HHIP: variants seen among roughly 807,000 people sequenced by gnomAD.
The protein encoded by HHIP is hedgehog-interacting protein.
In HHIP, 12 loss-of-function variants were observed where a neutral mutation model predicts 74.0. The observed-to-expected ratio is 0.16, with a 90% CI of 0.10 to 0.26. HHIP has a LOEUF of 0.26. Among genes scored for constraint, HHIP ranks in the 10% least tolerant of loss-of-function variants. HHIP has a pLI of 1.00. For missense variants in HHIP, 788 were observed against 845.0 expected, an observed-to-expected ratio of 0.93 and a Z score of 0.84; for synonymous variants, 309 against 311.6, an observed-to-expected ratio of 0.99 and a Z score of 0.09.
intron 4 of HHIP, among the ~76,000 whole-genome samples, chr4:144,702,284 G>A (rs535028358): frequency 6.6e-6 from 1 of 152,280 alleles, no homozygotes; most frequent in East Asian, 1.9e-4. Flanking sequence ...TGTTCACCAG[G>A]GAAGAATTTA....
chr4:144,678,391 C>CT (rs927017988), intron 4 of HHIP, among the ~76,000 whole-genome samples: 4 of 152,136 alleles, frequency 2.6e-5, no homozygotes, highest in South Asian at 2.1e-4. Context: ...AGAAGTATGA[C>CT]TTTTTTTATT....
chr4:144,711,003 G>T (rs1578716151), intron 7 of HHIP, among the ~76,000 whole-genome samples: 1 of 151,898 alleles, frequency 6.6e-6, no homozygotes, highest in East Asian at 1.9e-4. Flanking sequence ...TTATATTCCT[G>T]GCTTTGAACC....
chr4:144,655,015 G>A (rs1177830650), intron 2 of HHIP: 25 of 152,092 alleles, frequency 1.6e-4, no homozygotes. Context: ...GTTCCCTATT[G>A]CCCAATGCAT....
intron 4 of HHIP, among the ~76,000 whole-genome samples, chr4:144,705,605 T>A (rs1412319060): frequency 1.3e-5 from 2 of 152,184 alleles, no homozygotes; most frequent in Non-Finnish European, 2.9e-5. Flanking sequence ...TTATAGAAAT[T>A]CCTAGACTAT....
At chr4:144,690,413 C>T (rs1249485558) in intron 4 of HHIP, among the ~76,000 whole-genome samples, 1 of 152,166 alleles carries the variant, frequency 6.6e-6, no homozygotes, top group Non-Finnish European at 1.5e-5. Context: ...AAGAAAAAGA[C>T]ATGCTTGCTA....
Position 144,669,924 on chromosome 4 carries a change from G to A in HHIP, c.831+10086G>A, listed in dbSNP as rs189600511. ...CACTTTGGGAAGCCAAGCGGATCAC[G>A]AGGTCAAGAGATCCAGACTATCCTG... On this transcript the variant is annotated intron_variant, in intron 4 of 12. Transcript: ENST00000296575. Among the ~76,000 whole-genome samples, 699 of 149,056 alleles carry A rather than the reference G, an allele frequency of 4.7e-3. 8 individuals carry two copies. Among genetic ancestry groups the A allele is most frequent in the Non-Finnish European group, 4.0e-3 (273 of 67,418 alleles).
At position 144,718,929 on chromosome 4, in the gene HHIP, A is replaced by G; in HGVS notation, c.1733A>G (p.Lys578Arg). The G allele has an allele frequency of 6.2e-7, 1 of 1,607,330 alleles. No homozygotes were observed. Among genetic ancestry groups the G allele is most frequent in the African/African-American group, 1.3e-5 (1 of 74,852 alleles). The change falls in exon 11 of 13, where the codon AAA becomes AGA. Residue 578 changes from lysine to arginine, a missense_variant. Lys to Arg is a conservative substitution (Grantham distance 26). Coordinates refer to ENST00000296575, the MANE Select transcript of HHIP (RefSeq NM_022475.3). ...AGTATGACCCAGACTCACAATGGAA[A>G]ACTCTACAAAATTGTAGATCCCAAA... ...SKSMTQTHNGKLYKIVDPKRP... is the reference protein window; with the variant it reads ...SKSMTQTHNGRLYKIVDPKRP...
intron 4 of HHIP, among the ~76,000 whole-genome samples, chr4:144,667,823 T>C (rs930723069): frequency 6.6e-6 from 1 of 152,120 alleles, no homozygotes; most frequent in Non-Finnish European, 1.5e-5. Context: ...TAATAAATTG[T>C]AGGATTTGCA....
intron 4 of HHIP, among the ~76,000 whole-genome samples, chr4:144,694,160 A>T (rs934013501): frequency 6.6e-6 from 1 of 151,994 alleles, no homozygotes; most frequent in East Asian, 1.9e-4. Flanking sequence ...TAATTGACAT[A>T]TAAATCATGA....
In HHIP at chr4:144,744,938, GTA is replaced by G. The variant is rs1179324068; in HGVS notation, c.*6989_*6990del. On this transcript the variant is annotated 3_prime_UTR_variant, in exon 13 of 13. Coordinates refer to ENST00000296575, the MANE Select transcript of HHIP (RefSeq NM_022475.3). ...TATCTGTACGTGTGCACACACCCAT[GTA>G]TATATATTTATCTATCTGTACAAAC... The G allele has an allele frequency of 6.6e-6, 1 of 152,100 alleles. No individual in the cohort carries two copies. The highest frequency in any genetic ancestry group is 6.5e-5 in the Admixed American group (1 of 15,274). 9.4% of individuals were successfully genotyped at this position (152,100 alleles called of 1,614,324 possible).
intron 12 of HHIP, among the ~76,000 whole-genome samples, chr4:144,736,843 T>C (rs1349804401): frequency 6.6e-6 from 1 of 152,162 alleles, no homozygotes; most frequent in Admixed American, 6.5e-5. Context: ...ATTTAAAGCA[T>C]AAAATTGTTT....
At chr4:144,653,109 G>A (rs974664605) in intron 2 of HHIP, among the ~76,000 whole-genome samples, 10 of 152,026 alleles carry the variant, frequency 6.6e-5, no homozygotes, top group Non-Finnish European at 1.2e-4. Context: ...CAAACTCCTC[G>A]TTGGTGCCTT....
intron 7 of HHIP, among the ~76,000 whole-genome samples, chr4:144,708,572 G>A (rs1354230882): frequency 6.6e-6 from 1 of 152,192 alleles, no homozygotes; most frequent in Non-Finnish European, 1.5e-5. Flanking sequence ...AAAATGTGGA[G>A]AGGTTATTAT....
At chr4:144,727,283 G>A (rs1553943913) in intron 11 of HHIP, among the ~76,000 whole-genome samples, 1 of 152,064 alleles carries the variant, frequency 6.6e-6, no homozygotes, top group Non-Finnish European at 1.5e-5. Flanking sequence ...TCTTATAACG[G>A]CAATAATCGC....
intron 4 of HHIP, among the ~76,000 whole-genome samples, chr4:144,686,703 A>G (rs1729496074): frequency 6.6e-6 from 1 of 152,196 alleles, no homozygotes; most frequent in Admixed American, 6.5e-5. Context: ...TCAGACTATT[A>G]AAAGATTATT....
intron 4 of HHIP, among the ~76,000 whole-genome samples, chr4:144,705,432 C>A (rs542982645): frequency 1.3e-5 from 2 of 151,988 alleles, no homozygotes; most frequent in East Asian, 1.9e-4. Flanking sequence ...TTTTGCCATA[C>A]GCTATGTCGT....
intron 2 of HHIP, among the ~76,000 whole-genome samples, chr4:144,656,480 G>T (rs1166964560): frequency 6.6e-6 from 1 of 152,022 alleles, no homozygotes; most frequent in Non-Finnish European, 1.5e-5. Flanking sequence ...CTTTAAATTG[G>T]AATTGACCAC....
rs201997512 is a variant in HHIP at position 144,734,742 on chromosome 4, C to T, written c.1762C>T (p.Pro588Ser). The change falls in exon 12 of 13, where the codon CCT becomes TCT. Residue 588 changes from proline (P) to serine (S), a missense_variant and splice_region_variant. Physicochemically the swap from Pro to Ser is moderately conservative, Grantham distance 74. This residue lies in a region of HHIP where 343 missense variants were observed against 347.9 expected (regional missense o/e 0.99). Coordinates refer to ENST00000296575, the MANE Select transcript of HHIP (RefSeq NM_022475.3). ...KLYKIVDPKR[P>S]LMPEECRATV... is the part of the protein sequence containing the mutation. ...TTCAACTATTGTGTTTTAATGTAGACCTTTAATGCCTGAGGAATGCAGAGC... is the reference window on the plus strand; with the variant it reads ...TTCAACTATTGTGTTTTAATGTAGATCTTTAATGCCTGAGGAATGCAGAGC... The T allele has an allele frequency of 2.2e-4, 342 of 1,578,130 alleles. 1 individual carries two copies. The Middle Eastern group carries it at 4.9e-3, about 23-fold the overall frequency.
chr4:144,676,477 C>A (rs1333365957), intron 4 of HHIP, among the ~76,000 whole-genome samples: 4 of 152,182 alleles, frequency 2.6e-5, no homozygotes, highest in African/African-American at 9.7e-5. Context: ...AAAAATTTTG[C>A]ATGAAAGTAA....
Sources: gnomAD v4.1 joint callset for allele counts (sites outside exome capture counted in the v4.1 genomes callset) on GRCh38, gnomAD v4.1.1 for gene constraint, gnomAD v4.1.1 regional missense constraint, MANE v1.5 for transcripts, NCBI Gene and HGNC (gene_info 2026-07-23, HGNC 2026-07-21) for gene names.